LDB3: variants seen among roughly 807,000 people sequenced by gnomAD.
LDB3 encodes LIM domain-binding protein 3.
A neutral mutation model predicts 69.0 loss-of-function variants in LDB3; 49 were observed. The ratio of observed to expected loss-of-function variants is 0.71; its 90% CI spans 0.56 to 0.90. LDB3 has a LOEUF of 0.90. Ranked by LOEUF, LDB3 falls within the 40% of genes least tolerant of loss-of-function variation. LDB3 has a pLI of 0.00. For synonymous variants in LDB3, 387 were observed against 396.2 expected, an observed-to-expected ratio of 0.98 and a Z score of 0.28; for missense variants, 928 against 974.1, an observed-to-expected ratio of 0.95 and a Z score of 0.63.
upstream of LDB3, chr10:86,668,435 C>A: frequency 1.8e-6 from 1 of 563,586 alleles, no homozygotes; most frequent in East Asian, 3.1e-5. Context: ...GGCTGGCAGG[C>A]ACAGTGTAGG....
Position 86,714,968 on chromosome 10 carries a change from A to ACT in LDB3, c.1232-1357_1232-1356dup, listed in dbSNP as rs143641253. 5.4e-3 allele frequency among the ~76,000 whole-genome samples: 820 copies of ACT among 151,950 alleles called. 6 individuals are homozygous for ACT. The highest frequency in any genetic ancestry group is 0.019 in the African/African-American group (786 of 41,450). On this transcript the variant is annotated intron_variant, in intron 9 of 13. Coordinates refer to ENST00000361373, the MANE Select transcript of LDB3 (RefSeq NM_007078.3). Reference sequence around the variant, plus strand: ...GATGGATCCTATCTACCTGGTCCCTACTCACCCCCAGCACAGGGATTTCCA... The same window carrying ACT: ...GATGGATCCTATCTACCTGGTCCCTACTCTCACCCCCAGCACAGGGATTTCCA...
chr10:86,690,943 G>A (rs1050371749), intron 5 of LDB3, among the ~76,000 whole-genome samples: 1 of 152,176 alleles, frequency 6.6e-6, no homozygotes, highest in African/African-American at 2.4e-5. Context: ...CGAGGAGAGG[G>A]CTGGGCCAGC....
chr10:86,729,884 A>T (rs548673825), intron 13 of LDB3, among the ~76,000 whole-genome samples: 1 of 152,306 alleles, frequency 6.6e-6, no homozygotes, highest in South Asian at 2.1e-4. Context: ...TCTCCCACCC[A>T]CAGCTGCAGT....
chr10:86,713,902 G>C (rs1308150664), intron 9 of LDB3, among the ~76,000 whole-genome samples: 4 of 152,088 alleles, frequency 2.6e-5, no homozygotes, highest in Non-Finnish European at 5.9e-5. Flanking sequence ...CTGACTTCAG[G>C]ATGTTCCATT....
rs374312674 is a variant in LDB3 at position 86,668,660 on chromosome 10, T to C, written c.-23-9T>C. On this transcript the variant is annotated splice_polypyrimidine_tract_variant and intron_variant, in intron 1 of 13. Coordinates refer to ENST00000361373, the MANE Select transcript of LDB3 (RefSeq NM_007078.3). ...CTCTCACTCAACCCTCTCTACCCTT[T>C]GTCTGCAGAGGCGGCCGCTGACAGC... 3.2e-6 allele frequency: 5 copies of C among 1,565,714 alleles called. No homozygotes were observed. In the African/African-American group the frequency reaches 6.8e-5, roughly 21 times the overall value.
chr10:86,727,843 T>A (rs959732455), intron 13 of LDB3, among the ~76,000 whole-genome samples: 18 of 91,750 alleles, frequency 2.0e-4, no homozygotes, highest in Non-Finnish European at 4.2e-4. Context: ...TTTTTTTTTT[T>A]ATTTTTTTTT....
rs147122008 is a variant in LDB3 at position 86,707,525 on chromosome 10, G to T, written c.1085+806G>T. Among the ~76,000 whole-genome samples the T allele has an allele frequency of 5.0e-3, 767 of 152,254 alleles. 7 individuals are homozygous for T. The highest frequency in any genetic ancestry group is 0.017 in the African/African-American group (704 of 41,558). On this transcript the variant is annotated intron_variant, in intron 8 of 13. Transcript: ENST00000361373. ...AGAGGCCAGGCTGACAGGTCACTCTGCAGTGGCCATGTGGCGCATCAGGCT... is the reference window on the plus strand; with the variant it reads ...AGAGGCCAGGCTGACAGGTCACTCTTCAGTGGCCATGTGGCGCATCAGGCT...
intron 2 of LDB3, among the ~76,000 whole-genome samples, chr10:86,675,597 G>T (rs939712877): frequency 3.3e-5 from 5 of 152,238 alleles, no homozygotes; most frequent in Non-Finnish European, 5.9e-5. Flanking sequence ...TCCTGCTGTG[G>T]GGGAGCCCCA....
chr10:86,726,344 G>T (rs895930270), intron 13 of LDB3, 92 bp downstream of exon 13: 3 of 929,688 alleles, frequency 3.2e-6, no homozygotes, highest in African/African-American at 3.3e-5. Context: ...ACCTTGCCAC[G>T]CTAGCTTTCT....
At chr10:86,669,798 G>T (rs993138705) in intron 2 of LDB3, among the ~76,000 whole-genome samples, 3 of 152,250 alleles carry the variant, frequency 2.0e-5, no homozygotes, top group African/African-American at 7.2e-5. Flanking sequence ...GAGGCCCCCA[G>T]TCTGTCACTG....
At position 86,710,074 on chromosome 10, in the gene LDB3, G is replaced by A. The variant is rs45477098; in HGVS notation, c.1231+24G>A. The A allele has an allele frequency of 7.1e-3, 11,402 of 1,610,698 alleles. 67 individuals are homozygous for A. The highest frequency in any genetic ancestry group is 0.034 in the Middle Eastern group (206 of 6,052). ...AGGTAAGAGGCAGAGCAGGAGGGGAGGCTGTCGAAAGCCATGGGCGGGCTC... is the reference window on the plus strand; with the variant it reads ...AGGTAAGAGGCAGAGCAGGAGGGGAAGCTGTCGAAAGCCATGGGCGGGCTC... On this transcript the variant is annotated intron_variant, in intron 9 of 13. Transcript: ENST00000361373.
intron 2 of LDB3, among the ~76,000 whole-genome samples, chr10:86,675,119 C>T (rs768136965): frequency 1.1e-4 from 16 of 152,192 alleles, no homozygotes; most frequent in Non-Finnish European, 1.9e-4. Flanking sequence ...CAGCCACTTC[C>T]CTCTGGTCAG....
intron 13 of LDB3, among the ~76,000 whole-genome samples, chr10:86,728,597 T>TTTTTTTTTG (rs1847351409): frequency 7.1e-6 from 1 of 140,494 alleles, no homozygotes; most frequent in African/African-American, 3.0e-5. Context: ...TTTTTTTTTT[T>TTTTTTTTTG]TTTTGAGACA....
In LDB3 at chr10:86,699,786, C is replaced by T. The variant is rs746256049; in HGVS notation, c.897-6745C>T. The stretch of plus-strand genomic sequence containing the variant: ...CTCATCCCCTCCTAGAATGAGTCAC[C>T]CGTAGATCAGGGTCTGGGGAAGAGG... On this transcript the variant is annotated intron_variant, in intron 7 of 13. Coordinates refer to ENST00000361373, the MANE Select transcript of LDB3 (RefSeq NM_007078.3). The surrounding 1 kb of genome is among the most constrained non-coding windows in gnomAD (Gnocchi z 4.9). 157 of 1,056,650 alleles carry T rather than the reference C, an allele frequency of 1.5e-4. 3 individuals carry two copies. The highest frequency in any genetic ancestry group is 9.2e-4 in the South Asian group (27 of 29,490). 65.5% of individuals were successfully genotyped at this position (1,056,650 alleles called of 1,614,324 possible).
At chr10:86,692,604 C>A in intron 7 of LDB3, 33 bp downstream of exon 7, 1 of 1,603,972 alleles carries the variant, frequency 6.2e-7, no homozygotes, top group Non-Finnish European at 8.5e-7. Context: ...TGTGGCCTTG[C>A]CCTCTAGCCC....
At chr10:86,710,126 C>T in intron 9 of LDB3, 76 bp downstream of exon 9, 2 of 1,579,994 alleles carry the variant, frequency 1.3e-6, no homozygotes, top group Non-Finnish European at 1.7e-6. Context: ...CAAGAAGTGG[C>T]TCTGGGGGCA....
intron 7 of LDB3, among the ~76,000 whole-genome samples, chr10:86,693,054 C>A (rs1447690457): frequency 6.6e-6 from 1 of 152,050 alleles, no homozygotes; most frequent in East Asian, 1.9e-4. Flanking sequence ...GGTACCAGTT[C>A]TGTAAGTTGC....
At chr10:86,707,496 G>A (rs1013984872) in intron 8 of LDB3, among the ~76,000 whole-genome samples, 8 of 152,070 alleles carry the variant, frequency 5.3e-5, no homozygotes, top group Non-Finnish European at 8.8e-5. Context: ...AAGAGCGAAG[G>A]CAGAGAGGCC....
intron 7 of LDB3, among the ~76,000 whole-genome samples, chr10:86,695,566 T>C (rs1017968794): frequency 6.6e-6 from 1 of 152,258 alleles, no homozygotes; most frequent in Non-Finnish European, 1.5e-5. Flanking sequence ...CTGTCCAGGT[T>C]GCCTTGAACA....
Sources: allele counts gnomAD v4.1 joint callset (sites outside exome capture counted in the v4.1 genomes callset), GRCh38; gene constraint gnomAD v4.1.1; non-coding constraint Gnocchi (gnomAD v3.1); transcripts MANE v1.5; gene names NCBI Gene and HGNC (gene_info 2026-07-23, HGNC 2026-07-21).